B3GALNT2: variants seen among roughly 807,000 people sequenced by gnomAD.
B3GALNT2 encodes the protein UDP-GalNAc:beta-1,3-N-acetylgalactosaminyltransferase 2.
A neutral mutation model predicts 61.1 loss-of-function variants in B3GALNT2; 53 were observed. The observed-to-expected ratio is 0.87, with a 90% CI of 0.70 to 1.09. B3GALNT2 has a LOEUF of 1.09. Among genes scored for constraint, B3GALNT2 ranks in the 50% least tolerant of loss-of-function variants. The pLI, the probability that B3GALNT2 is intolerant of heterozygous loss-of-function variation, is 0.00. For synonymous variants in B3GALNT2, 223 were observed against 237.4 expected (o/e 0.94, Z 0.56); for missense variants, 544 against 623.0 (o/e 0.87, Z 1.35).
At chr1:235,473,761 G>C (rs1416216356) in intron 5 of B3GALNT2, among the ~76,000 whole-genome samples, 2 of 152,162 alleles carry the variant, frequency 1.3e-5, no homozygotes, top group African/African-American at 4.8e-5. Context: ...AAAGCAAAAA[G>C]GAAATAATGA....
chr1:235,498,628 G>A (rs1685440762), intron 1 of B3GALNT2, among the ~76,000 whole-genome samples: 1 of 151,982 alleles, frequency 6.6e-6, no homozygotes, highest in African/African-American at 2.4e-5. Flanking sequence ...AGATCACAAG[G>A]TCAGAAGTTC....
chr1:235,462,290 T>C (rs763996343), intron 7 of B3GALNT2, among the ~76,000 whole-genome samples: 66 of 152,130 alleles, frequency 4.3e-4, no homozygotes, highest in Admixed American at 9.2e-4. Context: ...ATCTGAAAAA[T>C]ATGAGCATAA....
chr1:235,474,988 T>TATATATATATATATTTTG (rs1491560842), intron 5 of B3GALNT2, among the ~76,000 whole-genome samples: 1 of 19,154 alleles, frequency 5.2e-5, no homozygotes, highest in African/African-American at 2.8e-4. Flanking sequence ...TATATATATA[T>TATATATATATATATTTTG]TTTTTTTTTT....
At chr1:235,502,569 T>C (rs1220860736) in intron 1 of B3GALNT2, among the ~76,000 whole-genome samples, 1 of 152,234 alleles carries the variant, frequency 6.6e-6, no homozygotes, top group Non-Finnish European at 1.5e-5. Context: ...ATTTCCTTAA[T>C]CTAGCCTGGT....
chr1:235,483,021 TCAAA>T (rs1047842614), intron 4 of B3GALNT2, among the ~76,000 whole-genome samples: 2 of 152,104 alleles, frequency 1.3e-5, no homozygotes, highest in Admixed American at 6.6e-5. Flanking sequence ...AAAAATATTC[TCAAA>T]CAATGAACAC....
At chr1:235,477,395 C>T (rs1407747049) in intron 5 of B3GALNT2, among the ~76,000 whole-genome samples, 2 of 152,164 alleles carry the variant, frequency 1.3e-5, no homozygotes, top group African/African-American at 4.8e-5. Flanking sequence ...AGAACAAGGA[C>T]ATTCTAAGCG....
intron 4 of B3GALNT2, among the ~76,000 whole-genome samples, chr1:235,480,640 C>A (rs1233746187): frequency 6.6e-6 from 1 of 152,020 alleles, no homozygotes; most frequent in Non-Finnish European, 1.5e-5. Context: ...TGCAGTGGCT[C>A]ACGCTTGTAA....
At chr1:235,467,588 G>C (rs1683769047) in intron 6 of B3GALNT2, among the ~76,000 whole-genome samples, 1 of 150,348 alleles carries the variant, frequency 6.7e-6, no homozygotes, top group African/African-American at 2.5e-5. Flanking sequence ...GGGTTCAAGC[G>C]ATTCTCTTGC....
intron 5 of B3GALNT2, among the ~76,000 whole-genome samples, chr1:235,473,058 G>T (rs1684075730): frequency 6.6e-6 from 1 of 152,256 alleles, no homozygotes; most frequent in Admixed American, 6.5e-5. Context: ...GGGATTACAG[G>T]AATGTGCCAC....
chr1:235,486,987 G>T (rs1684838086), intron 3 of B3GALNT2, among the ~76,000 whole-genome samples: 1 of 151,886 alleles, frequency 6.6e-6, no homozygotes, highest in South Asian at 2.1e-4. Flanking sequence ...TGGCCAATGT[G>T]GTGAAACCCC....
At chr1:235,484,006 T>G (rs60420231) in intron 4 of B3GALNT2, among the ~76,000 whole-genome samples, 7,059 of 152,268 alleles carry the variant, frequency 0.046, 390 homozygotes, top group African/African-American at 0.13. Context: ...TCACTTATCC[T>G]AAGAATCCTA....
At chr1:235,481,652 T>A (rs1684569585) in intron 4 of B3GALNT2, among the ~76,000 whole-genome samples, 2 of 152,180 alleles carry the variant, frequency 1.3e-5, no homozygotes, top group African/African-American at 4.8e-5. Flanking sequence ...CTGATAGTTT[T>A]TTTTTTAAAC....
At chr1:235,442,007 AATT>A in the B3GALNT2 span, 20 of 830,580 alleles carry the variant, frequency 2.4e-5, 1 homozygote, top group African/African-American at 7.2e-5. Context: ...TTTAAATGAA[AATT>A]TTTTTTTTTT....
chr1:235,493,893 A>C (rs1313202734), intron 2 of B3GALNT2, among the ~76,000 whole-genome samples: 1 of 152,186 alleles, frequency 6.6e-6, no homozygotes, highest in African/African-American at 2.4e-5. Context: ...CTTCACATAC[A>C]TAGAAGTCAA....
Position 235,455,615 on chromosome 1 carries a change from A to G in B3GALNT2, c.1095T>C (p.Ala365=), listed in dbSNP as rs751231735. Reference sequence around the variant, plus strand: ...TCTTTTGGACAATCCTATTAAATACAGCTTCGAGGTCTATGTAACAGTCAT... The same window carrying G: ...TCTTTTGGACAATCCTATTAAATACGGCTTCGAGGTCTATGTAACAGTCAT... The part of the protein sequence containing the change: ...TDDDCYIDLE[A]VFNRIVQKNL... Residue 365 remains alanine, a synonymous_variant, in exon 9 of 12, where the codon GCT becomes GCC. Coordinates refer to ENST00000366600, the MANE Select transcript of B3GALNT2 (RefSeq NM_152490.5). 13 of 1,606,728 alleles carry G rather than the reference A, an allele frequency of 8.1e-6. No homozygotes were observed. The African/African-American group carries it at 1.6e-4, about 20-fold the overall frequency.
chr1:235,498,469 AC>A, intron 1 of B3GALNT2, among the ~76,000 whole-genome samples: 1 of 152,354 alleles, frequency 6.6e-6, no homozygotes, highest in East Asian at 1.9e-4. Flanking sequence ...CTACATTCAA[AC>A]TGACAAATGT....
chr1:235,470,909 A>G lies in B3GALNT2; in HGVS notation c.703T>C (p.Ser235Pro). The G allele has an allele frequency of 6.2e-7, 1 of 1,614,114 alleles. No individual in the cohort carries two copies. Among genetic ancestry groups the G allele is most frequent in the African/African-American group, 1.3e-5 (1 of 75,028 alleles). The change falls in exon 6 of 12, where the codon TCA becomes CCA. Residue 235 changes from serine to proline, a missense_variant. By Grantham distance (74) the Ser-to-Pro change is moderately conservative. Coordinates refer to ENST00000366600, the MANE Select transcript of B3GALNT2 (RefSeq NM_152490.5). The part of the protein sequence containing the change: ...WESQDLHGLV[S>P]RNLHKVTVND... The stretch of plus-strand genomic sequence containing the variant: ...ACTGTCACTTTGTGGAGATTTCTTG[A>G]CACAAGGCCGTGGAGGTCTTGGCTC...
Position 235,458,621 on chromosome 1 carries a change from A to G in B3GALNT2, c.1007T>C (p.Leu336Ser), listed in dbSNP as rs1484432386. The change falls in exon 8 of 12, where the codon TTA becomes TCA. Residue 336 changes from leucine to serine, a missense_variant. By Grantham distance (145) the Leu-to-Ser change is moderately radical. Coordinates refer to ENST00000366600, the MANE Select transcript of B3GALNT2 (RefSeq NM_152490.5). ...AACCTACCATCTATAGAAGTTCAAT[A>G]ATTTTGCAGGAACATTACGATAAGT... ...VDTYRNVPAK[L>S]LNFYRWTVET... 1.9e-6 allele frequency: 3 copies of G among 1,605,606 alleles called. No individual in the cohort carries two copies. The highest frequency in any genetic ancestry group is 2.5e-6 in the Non-Finnish European group (3 of 1,177,578).
chr1:235,496,630 C>T (rs1685337696), intron 1 of B3GALNT2, among the ~76,000 whole-genome samples: 1 of 151,048 alleles, frequency 6.6e-6, no homozygotes, highest in Non-Finnish European at 1.5e-5. Flanking sequence ...ACTGCAACCT[C>T]TGCCGCCCGG....
Sources: gnomAD v4.1 joint callset for allele counts (sites outside exome capture counted in the v4.1 genomes callset) on GRCh38, gnomAD v4.1.1 for gene constraint, MANE v1.5 for transcripts, NCBI Gene and HGNC (gene_info 2026-07-23, HGNC 2026-07-21) for gene names.